The following UGT8 variants were observed in gnomAD, a reference collection of about 807,000 sequenced individuals.
UGT8 encodes 2-hydroxyacylsphingosine 1-beta-galactosyltransferase.
A neutral mutation model predicts 40.5 loss-of-function variants in UGT8; 12 were observed. That is an observed-to-expected ratio of 0.30 (90% confidence interval 0.19 to 0.48). UGT8 has a LOEUF of 0.48. Among genes scored for constraint, UGT8 ranks in the 20% least tolerant of loss-of-function variants. UGT8 has a pLI of 0.99. For synonymous variants in UGT8, 224 were observed against 240.4 expected (o/e 0.93, Z 0.63); for missense variants, 513 against 648.7 (o/e 0.79, Z 2.27).
intron 1 of UGT8, among the ~76,000 whole-genome samples, chr4:114,606,448 G>T (rs1006128468): frequency 1.3e-5 from 2 of 152,094 alleles, no homozygotes; most frequent in African/African-American, 4.8e-5. Context: ...GTTTTACATA[G>T]ATTTTGCATT....
intron 2 of UGT8, among the ~76,000 whole-genome samples, chr4:114,641,527 A>G (rs1733221816): frequency 6.6e-6 from 1 of 152,206 alleles, no homozygotes; most frequent in African/African-American, 2.4e-5. Flanking sequence ...GGCGTCTGTA[A>G]ACCCTAATGG....
chr4:114,611,447 C>CAT (rs1227645867), intron 1 of UGT8, among the ~76,000 whole-genome samples: 21 of 81,994 alleles, frequency 2.6e-4, no homozygotes, highest in African/African-American at 1.0e-3. Context: ...TATATATATA[C>CAT]ACACACACAC....
chr4:114,612,664 A>G (rs531334966), intron 1 of UGT8, among the ~76,000 whole-genome samples: 1 of 152,204 alleles, frequency 6.6e-6, no homozygotes, highest in South Asian at 2.1e-4. Context: ...TGATCATTTT[A>G]TTACTCTTTA....
intron 2 of UGT8, among the ~76,000 whole-genome samples, chr4:114,645,697 C>T (rs1474457351): frequency 1.3e-5 from 2 of 152,066 alleles, no homozygotes; most frequent in African/African-American, 4.8e-5. Context: ...GAATATATAC[C>T]AATGACCTTA....
Position 114,623,641 on chromosome 4 carries a change from C to T in UGT8, c.761C>T (p.Thr254Ile), listed in dbSNP as rs1298425682. Residue 254 changes from threonine to isoleucine, a missense_variant, in exon 2 of 6, where the codon ACT (threonine) becomes ATT (isoleucine). Thr to Ile is a moderately conservative substitution (Grantham distance 89). Around this residue, in one of 3 missense-constraint regions of UGT8, gnomAD observed 335 missense variants for 444.8 expected, o/e 0.75. Transcript: ENST00000310836. ...TDVALEFPRP[T>I]LPNVVYVGGI... is the part of the protein sequence containing the mutation. ...GTAGCACTGGAATTCCCAAGACCCACTCTGCCTAATGTTGTTTATGTAGGA... is the reference window on the plus strand; with the variant it reads ...GTAGCACTGGAATTCCCAAGACCCATTCTGCCTAATGTTGTTTATGTAGGA... The T allele has an allele frequency of 3.1e-6, 5 of 1,614,038 alleles. No homozygotes were observed. Among genetic ancestry groups the T allele is most frequent in the South Asian group, 2.2e-5 (2 of 91,072 alleles).
chr4:114,665,331 C>G, intron 3 of UGT8: 2 of 974,388 alleles, frequency 2.1e-6, no homozygotes, highest in Non-Finnish European at 2.4e-6. Context: ...CCTTCTTGTT[C>G]CAGCTTCTGG....
intron 1 of UGT8, among the ~76,000 whole-genome samples, chr4:114,619,956 A>G (rs1418961763): frequency 6.6e-6 from 1 of 151,368 alleles, no homozygotes; most frequent in Non-Finnish European, 1.5e-5. Context: ...AATATAAATA[A>G]TATTGGCTAT....
intron 1 of UGT8, among the ~76,000 whole-genome samples, chr4:114,601,552 C>T (rs192218847): frequency 2.6e-5 from 4 of 151,572 alleles, no homozygotes; most frequent in East Asian, 1.9e-4. Flanking sequence ...CACATTTTCT[C>T]GGTAGCTGAC....
intron 2 of UGT8, among the ~76,000 whole-genome samples, chr4:114,637,800 A>G (rs1361560190): frequency 1.3e-5 from 2 of 152,196 alleles, no homozygotes; most frequent in Non-Finnish European, 2.9e-5. Flanking sequence ...CAGCAAGTAC[A>G]TTTTTGAGGC....
At chr4:114,625,340 T>A (rs1216093999) in intron 2 of UGT8, among the ~76,000 whole-genome samples, 1 of 151,802 alleles carries the variant, frequency 6.6e-6, no homozygotes, top group Non-Finnish European at 1.5e-5. Flanking sequence ...TAGTGAAACC[T>A]TGTCTCTACA....
rs181946989 is a variant in UGT8, at chr4:114,652,412, A to G, written c.823-11583A>G. Among the ~76,000 whole-genome samples, 168 of 151,016 alleles carry G rather than the reference A, an allele frequency of 1.1e-3. 1 individual carries two copies. The highest frequency in any genetic ancestry group is 3.1e-3 in the African/African-American group (129 of 41,188). ...CTCATGGGTATTTTTTTTTTTTTTA[A>G]GTAACTAGTGTAGAGAACTTGAGCA... On this transcript the variant is annotated intron_variant, in intron 2 of 5. Transcript: ENST00000310836.
chr4:114,665,660 T>C lies in UGT8; in HGVS notation c.966-20T>C, dbSNP rs747520627. ...TAAGGTTTGATTTTTAAAAGACTAA[T>C]TGTCTGGTGTACATTTTAGGTTTTC... is the stretch of plus-strand genomic sequence containing the variant. On this transcript the variant is annotated intron_variant, in intron 3 of 5. Coordinates refer to ENST00000310836, the MANE Select transcript of UGT8 (RefSeq NM_001128174.3). 1.9e-6 allele frequency: 3 copies of C among 1,586,080 alleles called. No individual in the cohort carries two copies. The highest frequency in any genetic ancestry group is 2.6e-6 in the Non-Finnish European group (3 of 1,168,370).
intron 2 of UGT8, among the ~76,000 whole-genome samples, chr4:114,646,059 C>T (rs1733550631): frequency 1.3e-5 from 2 of 152,026 alleles, no homozygotes; most frequent in African/African-American, 4.8e-5. Flanking sequence ...TGCAGAGTAT[C>T]TATTTATTGA....
At chr4:114,669,327 T>C (rs2126136461) in intron 5 of UGT8, among the ~76,000 whole-genome samples, 1 of 152,194 alleles carries the variant, frequency 6.6e-6, no homozygotes, top group South Asian at 2.1e-4. Flanking sequence ...TCTTCTGTTA[T>C]CTATAGTTTT....
At chr4:114,622,145 C>T (rs1277594107) in intron 1 of UGT8, among the ~76,000 whole-genome samples, 3 of 140,796 alleles carry the variant, frequency 2.1e-5, no homozygotes, top group Non-Finnish European at 4.6e-5. Flanking sequence ...TGATGTTCCC[C>T]CTCCTGTGTC....
intron 2 of UGT8, among the ~76,000 whole-genome samples, chr4:114,627,205 T>C (rs1732280881): frequency 1.3e-5 from 2 of 151,664 alleles, no homozygotes. Context: ...AAAATAAAAA[T>C]GCTTTGATCA....
chr4:114,659,440 G>A (rs1734384892), intron 2 of UGT8, among the ~76,000 whole-genome samples: 1 of 152,184 alleles, frequency 6.6e-6, no homozygotes. Context: ...GAGTGTTGCT[G>A]ATTTCTGGTT....
chr4:114,620,072 A>T (rs1731689898), intron 1 of UGT8, among the ~76,000 whole-genome samples: 1 of 152,104 alleles, frequency 6.6e-6, no homozygotes, highest in African/African-American at 2.4e-5. Flanking sequence ...TTTACTTTGT[A>T]GTAATTACTG....
Position 114,623,393 on chromosome 4 carries a change from T to C in UGT8, c.513T>C (p.Pro171=). ...GLWYPAEVGA[P]APLAYVPEFN... is the part of the protein sequence containing the mutation. ...GGTATCCTGCTGAAGTGGGTGCTCC[T>C]GCTCCATTAGCATACGTCCCAGAGT... The change falls in exon 2 of 6, where the codon CCT becomes CCC. Residue 171 remains proline (P), a synonymous_variant. Transcript: ENST00000310836. 6.2e-7 allele frequency: 1 copy of C among 1,614,226 alleles called. No individual in the cohort carries two copies. The highest frequency in any genetic ancestry group is 8.5e-7 in the Non-Finnish European group (1 of 1,180,024).
Sources: allele counts gnomAD v4.1 joint callset (sites outside exome capture counted in the v4.1 genomes callset), GRCh38; gene constraint gnomAD v4.1.1; regional missense constraint gnomAD v4.1.1; transcripts MANE v1.5; gene names NCBI Gene and HGNC (gene_info 2026-07-23, HGNC 2026-07-21).